Variants in MKLN1 observed in about 807,000 individuals in gnomAD.
MKLN1 encodes muskelin 1.
MKLN1 carries 18 observed loss-of-function variants against 99.0 expected under a neutral mutation model. That is an observed-to-expected ratio of 0.18 (90% CI 0.13 to 0.27). MKLN1 has a LOEUF of 0.27. Among genes scored for constraint, MKLN1 ranks in the 10% least tolerant of loss-of-function variants. The pLI is 1.00. For missense variants in MKLN1, 621 were observed against 875.9 expected, an observed-to-expected ratio of 0.71 and a Z score of 3.67; for synonymous variants, 288 against 293.2, an observed-to-expected ratio of 0.98 and a Z score of 0.18.
At chr7:131,486,101 G>C (rs935935388) in intron 17 of MKLN1, among the ~76,000 whole-genome samples, 1 of 151,778 alleles carries the variant, frequency 6.6e-6, no homozygotes, top group Non-Finnish European at 1.5e-5. Context: ...GAGACAGAGA[G>C]AGAGAGAGAG....
At chr7:131,272,817 G>A (rs1001416169) in intron 3 of MKLN1, among the ~76,000 whole-genome samples, 3 of 152,204 alleles carry the variant, frequency 2.0e-5, no homozygotes, top group Middle Eastern at 3.4e-3. Context: ...AATAGTACGG[G>A]AAAGACCAGC....
At chr7:131,369,188 G>A (rs537538155) in intron 1 of MKLN1, among the ~76,000 whole-genome samples, 6 of 152,078 alleles carry the variant, frequency 3.9e-5, no homozygotes, top group South Asian at 2.1e-4. Flanking sequence ...CAAAAAATGC[G>A]GCATCAAACA....
chr7:131,180,785 T>A (rs2116358536), intron 2 of MKLN1, among the ~76,000 whole-genome samples: 2 of 152,310 alleles, frequency 1.3e-5, no homozygotes, highest in African/African-American at 4.8e-5. Flanking sequence ...AATTATTATT[T>A]TAGATCCCTT....
At chr7:131,167,543 A>G (rs1466370921) in intron 2 of MKLN1, among the ~76,000 whole-genome samples, 1 of 151,868 alleles carries the variant, frequency 6.6e-6, no homozygotes, top group Non-Finnish European at 1.5e-5. Context: ...ATGATGGCAC[A>G]TATCTGTGGT....
At chr7:131,307,933 ATGGTTTGGCCC>A (rs1798492622) in intron 3 of MKLN1, among the ~76,000 whole-genome samples, 2 of 152,148 alleles carry the variant, frequency 1.3e-5, no homozygotes, top group South Asian at 4.1e-4. Context: ...GCAGAATGAT[ATGGTTTGGCCC>A]TGTGCCCCCA....
rs180898910 is a variant in MKLN1 at position 131,195,281 on chromosome 7, C to T, written c.-296-7576C>T. 4.7e-3 allele frequency among the ~76,000 whole-genome samples: 716 copies of T among 152,030 alleles called. 3 individuals are homozygous for T. The highest frequency in any genetic ancestry group is 0.016 in the African/African-American group (682 of 41,456). On this transcript the variant is annotated intron_variant, in intron 2 of 7. Coordinates refer to the MKLN1 transcript ENST00000416992. ...ATCCCAGCATTTTGGGAGACCGAGG[C>T]GGGTGGATCACTTGAGGTCAGGAGT... is the stretch of plus-strand genomic sequence containing the variant.
At chr7:131,375,063 A>T (rs1477417909) in intron 1 of MKLN1, among the ~76,000 whole-genome samples, 1 of 151,832 alleles carries the variant, frequency 6.6e-6, no homozygotes, top group Non-Finnish European at 1.5e-5. Context: ...TCCTCCAAGT[A>T]GCTGAGGTTA....
At chr7:131,155,164 T>G (rs1795945498) in intron 2 of MKLN1, among the ~76,000 whole-genome samples, 1 of 152,232 alleles carries the variant, frequency 6.6e-6, no homozygotes, top group Admixed American at 6.5e-5. Context: ...TTTGGCTCCT[T>G]AAAAGTCCTA....
At chr7:131,412,814 A>G (rs987583826) in intron 7 of MKLN1, among the ~76,000 whole-genome samples, 9 of 152,174 alleles carry the variant, frequency 5.9e-5, no homozygotes, top group African/African-American at 1.9e-4. Context: ...TGGTCTTCAT[A>G]TATTACTAAG....
intron 1 of MKLN1, among the ~76,000 whole-genome samples, chr7:131,333,114 C>T (rs1424439570): frequency 6.6e-6 from 1 of 152,106 alleles, no homozygotes; most frequent in Admixed American, 6.5e-5. Flanking sequence ...GGTAGAGACA[C>T]TGTTTCACCA....
In MKLN1 at chr7:131,328,008, G is replaced by A; in HGVS notation, c.98+11G>A. ...CACCTACCTTCCCGAGTAAGTGCCGGGCCTTGAGCTCGTGCTGCCCCACCC... is the reference window on the plus strand; with the variant it reads ...CACCTACCTTCCCGAGTAAGTGCCGAGCCTTGAGCTCGTGCTGCCCCACCC... On this transcript the variant is annotated intron_variant, in intron 1 of 17. Coordinates refer to ENST00000352689, the MANE Select transcript of MKLN1 (RefSeq NM_013255.5). 2 of 1,613,620 alleles carry A rather than the reference G, an allele frequency of 1.2e-6. No individual in the cohort carries two copies. Among genetic ancestry groups the A allele is most frequent in the Non-Finnish European group, 1.7e-6 (2 of 1,179,786 alleles).
intron 2 of MKLN1, among the ~76,000 whole-genome samples, chr7:131,165,719 A>G (rs1465810757): frequency 1.3e-5 from 2 of 152,238 alleles, no homozygotes; most frequent in African/African-American, 2.4e-5. Flanking sequence ...AGGGAGACAA[A>G]TAAGATAACA....
intron 3 of MKLN1, among the ~76,000 whole-genome samples, chr7:131,253,096 T>A (rs1409135345): frequency 6.6e-6 from 1 of 152,136 alleles, no homozygotes; most frequent in Non-Finnish European, 1.5e-5. Context: ...AAGACAACCA[T>A]TTAAAGTCTC....
chr7:131,328,328 A>G (rs529160392), intron 1 of MKLN1: 249 of 280,002 alleles, frequency 8.9e-4, no homozygotes, highest in African/African-American at 5.2e-3. Context: ...GCTCTGGGGC[A>G]GGAATCGGAG....
chr7:131,128,244 CA>C (rs76424077), intron 1 of MKLN1, among the ~76,000 whole-genome samples: 75,456 of 147,884 alleles, frequency 0.51, 20,454 homozygotes, highest in East Asian at 0.79. Flanking sequence ...AATGGAAAAA[CA>C]TGTGGCCAGG....
At chr7:131,251,739 G>A (rs973984372) in intron 3 of MKLN1, among the ~76,000 whole-genome samples, 2 of 151,024 alleles carry the variant, frequency 1.3e-5, no homozygotes, top group Non-Finnish European at 2.9e-5. Flanking sequence ...GTGTGAACAA[G>A]ACTCACTCCA....
At chr7:131,262,587 G>C (rs1797748594) in intron 3 of MKLN1, among the ~76,000 whole-genome samples, 1 of 150,726 alleles carries the variant, frequency 6.6e-6, no homozygotes, top group Non-Finnish European at 1.5e-5. Flanking sequence ...GTCCCGCTCT[G>C]TGGCCCAGGC....
chr7:131,416,993 A>C (rs1325899965), intron 8 of MKLN1, among the ~76,000 whole-genome samples: 2 of 150,334 alleles, frequency 1.3e-5, no homozygotes, highest in South Asian at 2.1e-4. Context: ...AAAAAAAAAA[A>C]AAAAAAAAAA....
chr7:131,479,340 C>CTG (rs1797054435), intron 17 of MKLN1, among the ~76,000 whole-genome samples: 1 of 151,956 alleles, frequency 6.6e-6, no homozygotes, highest in Non-Finnish European at 1.5e-5. Flanking sequence ...CAAGCCTGGG[C>CTG]AACATAGTAA....
Sources: allele counts gnomAD v4.1 joint callset (sites outside exome capture counted in the v4.1 genomes callset), GRCh38; gene constraint gnomAD v4.1.1; transcripts MANE v1.5; gene names NCBI Gene and HGNC (gene_info 2026-07-23, HGNC 2026-07-21).